HRH1: variants seen among roughly 807,000 people sequenced by gnomAD.
HRH1 encodes the protein histamine receptor H1.
A neutral mutation model predicts 10.3 loss-of-function variants in HRH1; 6 were observed. The observed-to-expected ratio is 0.58, with a 90% CI of 0.32 to 1.15. The LOEUF (loss-of-function observed/expected upper bound fraction) is 1.15, where lower values mean the gene tolerates loss of function less well. HRH1 is among the 50% of genes most tolerant of loss of function. HRH1 has a pLI of 0.05. For synonymous variants in HRH1, 242 were observed against 236.7 expected, an observed-to-expected ratio of 1.02 and a Z score of -0.21; for missense variants, 514 against 615.3, an observed-to-expected ratio of 0.84 and a Z score of 1.74.
intron 1 of HRH1, among the ~76,000 whole-genome samples, chr3:11,138,180 A>ATTTTTTTTTT (rs746775307): frequency 7.4e-6 from 1 of 135,580 alleles, no homozygotes; most frequent in African/African-American, 2.7e-5. Context: ...ACGTTTGGCT[A>ATTTTTTTTTT]TTTTTTTTTT....
intron 1 of HRH1, among the ~76,000 whole-genome samples, chr3:11,188,160 A>T (rs1937479904): frequency 6.6e-6 from 1 of 152,152 alleles, no homozygotes; most frequent in African/African-American, 2.4e-5. Flanking sequence ...TTGGCATTCA[A>T]TTTTTTTTAA....
chr3:11,226,778 T>A (rs1288200036), intron 1 of HRH1, among the ~76,000 whole-genome samples: 1 of 150,610 alleles, frequency 6.6e-6, no homozygotes, highest in African/African-American at 2.4e-5. Context: ...TCCCAGCTAC[T>A]CAGGAGGCTG....
At chr3:11,240,159 G>A (rs1235089063) in intron 1 of HRH1, among the ~76,000 whole-genome samples, 1 of 151,974 alleles carries the variant, frequency 6.6e-6, no homozygotes, top group Non-Finnish European at 1.5e-5. Flanking sequence ...CTTGAGCTGG[G>A]AAAATACCCC....
chr3:11,225,663 C>T (rs1232062312), intron 1 of HRH1, among the ~76,000 whole-genome samples: 1 of 152,232 alleles, frequency 6.6e-6, no homozygotes, highest in Non-Finnish European at 1.5e-5. Flanking sequence ...TAAGGAATTA[C>T]AACCTAGCTT....
intron 1 of HRH1, among the ~76,000 whole-genome samples, chr3:11,232,220 T>C (rs1393107361): frequency 1.3e-5 from 2 of 152,180 alleles, no homozygotes; most frequent in African/African-American, 4.8e-5. Flanking sequence ...TCTCTTGACC[T>C]CATGATCCAC....
chr3:11,177,161 G>A (rs1485084421), intron 1 of HRH1, among the ~76,000 whole-genome samples: 1 of 151,932 alleles, frequency 6.6e-6, no homozygotes, highest in Admixed American at 6.6e-5. Flanking sequence ...AGCATTCAGG[G>A]AGGCCAAGTA....
chr3:11,138,176 G>A (rs1936218774), intron 1 of HRH1, among the ~76,000 whole-genome samples: 1 of 99,820 alleles, frequency 1.0e-5, no homozygotes, highest in African/African-American at 4.5e-5. Context: ...CACCACGTTT[G>A]GCTATTTTTT....
At chr3:11,212,974 T>G (rs1369301482) in intron 1 of HRH1, among the ~76,000 whole-genome samples, 1 of 152,146 alleles carries the variant, frequency 6.6e-6, no homozygotes, top group Non-Finnish European at 1.5e-5. Flanking sequence ...TCCTGTGATG[T>G]TTTTTCCTGC....
intron 1 of HRH1, among the ~76,000 whole-genome samples, chr3:11,255,268 A>C (rs552136068): frequency 2.5e-4 from 38 of 152,340 alleles, no homozygotes; most frequent in African/African-American, 9.1e-4. Context: ...AAATTAAAAA[A>C]TAAAAAATAA....
intron 1 of HRH1, among the ~76,000 whole-genome samples, chr3:11,246,646 C>G (rs995985324): frequency 3.9e-5 from 6 of 152,208 alleles, no homozygotes; most frequent in African/African-American, 1.4e-4. Context: ...GATTTCACCC[C>G]TAAATGTTTA....
intron 1 of HRH1, among the ~76,000 whole-genome samples, chr3:11,138,759 C>T (rs1444773595): frequency 1.3e-5 from 2 of 149,294 alleles, no homozygotes; most frequent in African/African-American, 5.0e-5. Flanking sequence ...ACTGCAGCCT[C>T]CATCTCCCAG....
chr3:11,160,996 TC>T (rs1269521844), intron 1 of HRH1, among the ~76,000 whole-genome samples: 7 of 152,172 alleles, frequency 4.6e-5, no homozygotes, highest in Admixed American at 4.6e-4. Context: ...TGTTTCTGCC[TC>T]CAAGTTTGGA....
rs527816637 is a variant in HRH1 at position 11,146,839 on chromosome 3, T to G, written c.-36+9440T>G. Among the ~76,000 whole-genome samples the G allele has an allele frequency of 4.8e-3, 737 of 152,272 alleles. 3 individuals are homozygous for G. Among genetic ancestry groups the G allele is most frequent in the Non-Finnish European group, 8.1e-3 (551 of 68,016 alleles). ...CATGGCAGCTAAGCAAAAGTTTCTGTGCACTTGAAAGGGGCTCTGGAAGAA... is the reference window on the plus strand; with the variant it reads ...CATGGCAGCTAAGCAAAAGTTTCTGGGCACTTGAAAGGGGCTCTGGAAGAA... On this transcript the variant is annotated intron_variant, in intron 1 of 1. Transcript: ENST00000438284.
At chr3:11,234,363 G>T in intron 1 of HRH1, 1 of 1,597,644 alleles carries the variant, frequency 6.3e-7, no homozygotes, top group Middle Eastern at 1.7e-4. Context: ...TCATCCTCTT[G>T]GGGATAGAGG....
intron 1 of HRH1, among the ~76,000 whole-genome samples, chr3:11,166,069 C>T (rs899230035): frequency 1.3e-5 from 2 of 152,294 alleles, no homozygotes; most frequent in African/African-American, 4.8e-5. Context: ...ATCCTGGCCC[C>T]TCCACAGTGG....
intron 1 of HRH1, among the ~76,000 whole-genome samples, chr3:11,223,609 T>C (rs1040059464): frequency 1.3e-5 from 2 of 152,068 alleles, no homozygotes; most frequent in African/African-American, 4.8e-5. Flanking sequence ...CTGGGGAGTG[T>C]GGGGCAAAGA....
chr3:11,237,900 A>G (rs753535899), intron 1 of HRH1, among the ~76,000 whole-genome samples: 4 of 151,366 alleles, frequency 2.6e-5, no homozygotes, highest in Admixed American at 6.6e-5. Context: ...GTGGTCTCGA[A>G]CTCCTGACCT....
chr3:11,237,239 A>G (rs1325003383), intron 1 of HRH1, among the ~76,000 whole-genome samples: 1 of 152,208 alleles, frequency 6.6e-6, no homozygotes, highest in Non-Finnish European at 1.5e-5. Context: ...ACAGTGAAAA[A>G]GAGGATGATG....
chr3:11,166,828 C>T (rs1472174559), intron 1 of HRH1, among the ~76,000 whole-genome samples: 6 of 150,188 alleles, frequency 4.0e-5, no homozygotes, highest in Non-Finnish European at 7.4e-5. Flanking sequence ...CCCATGACAT[C>T]TGCTGTCCCC....
Sources: gnomAD v4.1 joint callset for allele counts (sites outside exome capture counted in the v4.1 genomes callset) on GRCh38, gnomAD v4.1.1 for gene constraint, MANE v1.5 for transcripts, NCBI Gene and HGNC (gene_info 2026-07-23, HGNC 2026-07-21) for gene names.